Variants in SLC16A7 observed in about 807,000 individuals in gnomAD.
The protein encoded by SLC16A7 is monocarboxylate transporter 2.
Under a neutral mutation model 34.9 loss-of-function variants are expected in SLC16A7, and 33 were observed. The ratio of observed to expected loss-of-function variants is 0.94; its 90% CI spans 0.72 to 1.26. SLC16A7 has a LOEUF of 1.26. SLC16A7 is among the 50% of genes most tolerant of loss of function. The pLI, the probability that SLC16A7 is intolerant of heterozygous loss-of-function variation, is 0.00. For synonymous variants in SLC16A7, 201 were observed against 206.6 expected, an observed-to-expected ratio of 0.97 and a Z score of 0.23; for missense variants, 573 against 578.1, an observed-to-expected ratio of 0.99 and a Z score of 0.09.
intron 3 of SLC16A7, among the ~76,000 whole-genome samples, chr12:59,737,766 A>G (rs1877768625): frequency 6.6e-6 from 1 of 152,156 alleles, no homozygotes; most frequent in Non-Finnish European, 1.5e-5. Context: ...TGGCCCTAGA[A>G]GCACAGTTAA....
At chr12:59,754,283 C>CA (rs1016234298) in intron 3 of SLC16A7, among the ~76,000 whole-genome samples, 60 of 151,542 alleles carry the variant, frequency 4.0e-4, no homozygotes, top group Admixed American at 3.3e-4. Context: ...AAATAGAGAC[C>CA]AAAAAAACCC....
chr12:59,623,072 G>A (rs1879766818), intron 1 of SLC16A7, among the ~76,000 whole-genome samples: 2 of 151,134 alleles, frequency 1.3e-5, no homozygotes, highest in South Asian at 4.2e-4. Context: ...GTGTGTGTGT[G>A]TGTGTGTGTG....
intron 2 of SLC16A7, among the ~76,000 whole-genome samples, chr12:59,657,729 C>A (rs1397067869): frequency 1.3e-5 from 2 of 151,938 alleles, no homozygotes; most frequent in African/African-American, 4.8e-5. Context: ...ATTAATTCGA[C>A]CAACATGTGT....
At chr12:59,695,614 C>T (rs1281764729) in intron 2 of SLC16A7, among the ~76,000 whole-genome samples, 1 of 152,064 alleles carries the variant, frequency 6.6e-6, no homozygotes, top group African/African-American at 2.4e-5. Flanking sequence ...GCTTCATCCT[C>T]TCATAGAAAC....
chr12:59,634,241 G>A (rs1880317797), intron 1 of SLC16A7, among the ~76,000 whole-genome samples: 1 of 152,056 alleles, frequency 6.6e-6, no homozygotes, highest in Non-Finnish European at 1.5e-5. Context: ...TGTGCATTAT[G>A]AGCACACTGA....
At chr12:59,697,018 AATC>A (rs1872378119) in intron 2 of SLC16A7, among the ~76,000 whole-genome samples, 1 of 151,964 alleles carries the variant, frequency 6.6e-6, no homozygotes, top group African/African-American at 2.4e-5. Context: ...AAAAACGCTT[AATC>A]ATATGTTTTT....
chr12:59,729,833 G>A (rs912830616), intron 3 of SLC16A7, among the ~76,000 whole-genome samples: 11 of 152,168 alleles, frequency 7.2e-5, no homozygotes, highest in African/African-American at 2.4e-4. Context: ...AGCACAATGT[G>A]GCTTGCTGAC....
At chr12:59,743,703 G>T (rs906725253) in intron 3 of SLC16A7, among the ~76,000 whole-genome samples, 1 of 152,116 alleles carries the variant, frequency 6.6e-6, no homozygotes, top group African/African-American at 2.4e-5. Flanking sequence ...ACATTTAAAT[G>T]TGTACAATTG....
intron 1 of SLC16A7, among the ~76,000 whole-genome samples, chr12:59,651,472 G>C (rs565494899): frequency 2.0e-5 from 3 of 152,258 alleles, no homozygotes; most frequent in Admixed American, 6.6e-5. Context: ...CATGAAAACA[G>C]CTGTATACTG....
intron 3 of SLC16A7, among the ~76,000 whole-genome samples, chr12:59,751,467 G>C (rs959277670): frequency 6.6e-6 from 1 of 152,238 alleles, no homozygotes; most frequent in South Asian, 2.1e-4. Context: ...CACCTGGCTC[G>C]TAGGGTCTTA....
At chr12:59,693,357 G>C (rs1008440059) in intron 2 of SLC16A7, among the ~76,000 whole-genome samples, 3 of 151,804 alleles carry the variant, frequency 2.0e-5, no homozygotes, top group Non-Finnish European at 4.4e-5. Flanking sequence ...ATAAATAAAG[G>C]AACATTCTAA....
At chr12:59,658,335 G>A (rs1339176515) in intron 2 of SLC16A7, among the ~76,000 whole-genome samples, 1 of 151,968 alleles carries the variant, frequency 6.6e-6, no homozygotes, top group African/African-American at 2.4e-5. Context: ...AATGAGAAGG[G>A]GCTTCCCCAA....
rs141446912 is a variant in SLC16A7, at chr12:59,693,104, C to T, written c.-30-11668C>T. 2.1e-3 allele frequency among the ~76,000 whole-genome samples: 320 copies of T among 152,004 alleles called. 1 individual carries two copies. The highest frequency in any genetic ancestry group is 7.3e-3 in the African/African-American group (303 of 41,516). ...AACATAATATAATATAACTTATAAA[C>T]ACTTTATAAGTAGGATGTAGAGAAA... On this transcript the variant is annotated intron_variant, in intron 2 of 5. Transcript: ENST00000547379.
intron 2 of SLC16A7, among the ~76,000 whole-genome samples, chr12:59,661,934 T>C (rs945156992): frequency 2.6e-5 from 4 of 152,100 alleles, no homozygotes; most frequent in Non-Finnish European, 2.9e-5. Flanking sequence ...TCCATTGTAA[T>C]TCTAGATTTA....
intron 1 of SLC16A7, among the ~76,000 whole-genome samples, chr12:59,612,047 TCTC>T (rs1309339666): frequency 1.3e-5 from 2 of 152,180 alleles, no homozygotes; most frequent in Admixed American, 6.5e-5. Context: ...ATGGTGGCCT[TCTC>T]CTCACAGTTC....
chr12:59,683,007 G>A (rs370655289), intron 2 of SLC16A7, among the ~76,000 whole-genome samples: 350 of 152,062 alleles, frequency 2.3e-3, no homozygotes, highest in African/African-American at 6.8e-3. Context: ...CGGAGGATGC[G>A]GTGAGCTGAG....
At chr12:59,730,178 G>C (rs970045391) in intron 3 of SLC16A7, among the ~76,000 whole-genome samples, 2 of 149,040 alleles carry the variant, frequency 1.3e-5, no homozygotes, top group Non-Finnish European at 3.0e-5. Context: ...TTTCCTCACT[G>C]TTTGCAGGGT....
intron 3 of SLC16A7, among the ~76,000 whole-genome samples, chr12:59,705,854 AT>A (rs1457229508): frequency 6.6e-6 from 1 of 152,142 alleles, no homozygotes; most frequent in African/African-American, 2.4e-5. Flanking sequence ...TAAAGAAATT[AT>A]ATCAATTATC....
chr12:59,605,252 G>T (rs1878883017), intron 1 of SLC16A7, among the ~76,000 whole-genome samples: 1 of 152,188 alleles, frequency 6.6e-6, no homozygotes, highest in African/African-American at 2.4e-5. Context: ...GAGTTACCTG[G>T]AACCAAGCTA....
Sources: allele counts gnomAD v4.1 joint callset (sites outside exome capture counted in the v4.1 genomes callset), GRCh38; gene constraint gnomAD v4.1.1; transcripts MANE v1.5; gene names NCBI Gene and HGNC (gene_info 2026-07-23, HGNC 2026-07-21).